KIAA1217: variants seen among roughly 807,000 people sequenced by gnomAD.
The protein encoded by KIAA1217 is KIAA1217.
Under a neutral mutation model 163.9 loss-of-function variants are expected in KIAA1217, and 88 were observed. The ratio of observed to expected loss-of-function variants is 0.54; its 90% CI spans 0.45 to 0.64. The LOEUF (loss-of-function observed/expected upper bound fraction) is 0.64. KIAA1217 is among the 30% of genes least tolerant of loss of function. KIAA1217 has a pLI of 0.00. For missense variants in KIAA1217, 2,372 were observed against 2,475.0 expected, an observed-to-expected ratio of 0.96 and a Z score of 0.88; for synonymous variants, 903 against 923.1, an observed-to-expected ratio of 0.98 and a Z score of 0.39.
chr10:24,280,538 G>A (rs533543488), intron 2 of KIAA1217, among the ~76,000 whole-genome samples: 1 of 152,282 alleles, frequency 6.6e-6, no homozygotes, highest in Non-Finnish European at 1.5e-5. Context: ...CTGGCCGGGC[G>A]TGGTGACTCA....
At chr10:24,178,398 A>C (rs1464966527) in intron 2 of KIAA1217, among the ~76,000 whole-genome samples, 1 of 152,228 alleles carries the variant, frequency 6.6e-6, no homozygotes, top group African/African-American at 2.4e-5. Context: ...GTTGGGATAC[A>C]TCCATCTGGC....
chr10:23,910,063 A>G (rs566258405), intron 1 of KIAA1217, among the ~76,000 whole-genome samples: 6 of 152,066 alleles, frequency 3.9e-5, no homozygotes, highest in African/African-American at 1.4e-4. Flanking sequence ...AAAACCAAAC[A>G]CCGCGTGTTC....
At chr10:24,258,994 CA>C (rs1170613616) in intron 2 of KIAA1217, among the ~76,000 whole-genome samples, 1 of 152,080 alleles carries the variant, frequency 6.6e-6, no homozygotes, top group Admixed American at 6.6e-5. Flanking sequence ...GCCCAGGGAT[CA>C]GGGGCAGCCC....
chr10:24,158,519 T>C (rs1345042225), intron 2 of KIAA1217: 2 of 517,722 alleles, frequency 3.9e-6, no homozygotes, highest in Non-Finnish European at 7.9e-6. Context: ...GATGGGAGGA[T>C]TTTTAGAGAA....
chr10:24,189,536 C>T (rs2066613075), intron 2 of KIAA1217, among the ~76,000 whole-genome samples: 1 of 152,166 alleles, frequency 6.6e-6, no homozygotes. Flanking sequence ...ACCTTTTTCT[C>T]ACCCATCACA....
intron 1 of KIAA1217, among the ~76,000 whole-genome samples, chr10:23,870,869 A>G (rs1840426094): frequency 6.6e-6 from 1 of 152,110 alleles, no homozygotes; most frequent in Non-Finnish European, 1.5e-5. Context: ...TGTCCTCTGA[A>G]GTTGTTCCTA....
intron 1 of KIAA1217, among the ~76,000 whole-genome samples, chr10:23,926,824 G>C (rs1014246655): frequency 6.6e-6 from 1 of 151,538 alleles, no homozygotes; most frequent in Non-Finnish European, 1.5e-5. Context: ...CCCTCTTTTC[G>C]ATCCTTCAAT....
At chr10:24,099,446 G>C (rs2062307777) in intron 2 of KIAA1217, among the ~76,000 whole-genome samples, 1 of 146,284 alleles carries the variant, frequency 6.8e-6, no homozygotes, top group Non-Finnish European at 1.5e-5. Flanking sequence ...TTGGTTTTCT[G>C]TCCTTGTGAT....
At chr10:23,787,222 T>C (rs992467691) in intron 1 of KIAA1217, among the ~76,000 whole-genome samples, 1 of 152,288 alleles carries the variant, frequency 6.6e-6, no homozygotes, top group Admixed American at 6.5e-5. Context: ...GATTTAAATA[T>C]GGAGTGTGAT....
At chr10:23,735,260 G>A (rs1838731209) in intron 1 of KIAA1217, among the ~76,000 whole-genome samples, 1 of 152,008 alleles carries the variant, frequency 6.6e-6, no homozygotes, top group Admixed American at 6.6e-5. Flanking sequence ...TTGAGATGGA[G>A]TCTAGCTCTC....
At chr10:23,888,327 A>T (rs573132086) in intron 1 of KIAA1217, among the ~76,000 whole-genome samples, 150 of 152,058 alleles carry the variant, frequency 9.9e-4, no homozygotes, top group African/African-American at 3.5e-3. Flanking sequence ...CAGGATAGAC[A>T]TTGGTTCAAA....
chr10:24,008,973 A>G (rs1175564520), intron 2 of KIAA1217, among the ~76,000 whole-genome samples: 1 of 152,176 alleles, frequency 6.6e-6, no homozygotes, highest in African/African-American at 2.4e-5. Flanking sequence ...GCGTTGTACA[A>G]GCAGCAAGAG....
At chr10:24,501,248 A>G (rs1743442745) in intron 8 of KIAA1217, 131 bp from the exon 9 acceptor site, 3 of 713,768 alleles carry the variant, frequency 4.2e-6, no homozygotes, top group South Asian at 1.9e-5. Flanking sequence ...TGTGATTCAT[A>G]TATATGCATA....
chr10:24,147,318 A>G (rs16924333), intron 2 of KIAA1217, among the ~76,000 whole-genome samples: 3,185 of 152,288 alleles, frequency 0.021, 38 homozygotes, highest in Middle Eastern at 0.058. Flanking sequence ...TTCCCTAAAC[A>G]CATTTTGTTT....
chr10:24,228,570 A>G (rs745521375), intron 2 of KIAA1217, among the ~76,000 whole-genome samples: 3 of 152,140 alleles, frequency 2.0e-5, no homozygotes, highest in African/African-American at 4.8e-5. Context: ...TGCCATCTCA[A>G]CACATGGATT....
rs180699888 is a variant in KIAA1217, at chr10:24,294,924, T to G, written c.354+75015T>G. On this transcript the variant is annotated intron_variant, in intron 2 of 20. Coordinates refer to ENST00000376454, the MANE Select transcript of KIAA1217 (RefSeq NM_019590.5). ...AATTTAAAATGACAATATTTTCTAC[T>G]GTGGAATACCTTGCATTCTCCCACT... Among the ~76,000 whole-genome samples, 650 of 152,324 alleles carry G rather than the reference T, an allele frequency of 4.3e-3. 3 individuals carry two copies. Among genetic ancestry groups the G allele is most frequent in the African/African-American group, 0.015 (619 of 41,574 alleles).
At chr10:24,345,132 C>A (rs2047564495) in intron 2 of KIAA1217, among the ~76,000 whole-genome samples, 1 of 152,148 alleles carries the variant, frequency 6.6e-6, no homozygotes, top group African/African-American at 2.4e-5. Flanking sequence ...CCAACTAATT[C>A]AAGACACCAA....
intron 2 of KIAA1217, among the ~76,000 whole-genome samples, chr10:24,147,832 CAAAAAAAAAAAA>C (rs1176106711): frequency 1.1e-3 from 22 of 20,774 alleles, no homozygotes; most frequent in Non-Finnish European, 1.4e-3. Context: ...TACTCTGTCT[CAAAAAAAAAAAA>C]AAAAAAAAAA....
At position 24,055,062 on chromosome 10, in the gene KIAA1217, T is replaced by C. The variant is rs1189444654; in HGVS notation, c.-171+47688T>C. 3.3e-5 allele frequency among the ~76,000 whole-genome samples: 5 copies of C among 151,942 alleles called. No individual in the cohort carries two copies. In the East Asian group the frequency reaches 5.8e-4, roughly 18 times the overall value. Reference sequence around the variant, plus strand: ...CAAGCAGATTGCTTAAGCTCAGGAGTTGGAGACCATCCCACAGAACATGGC... The same window carrying C: ...CAAGCAGATTGCTTAAGCTCAGGAGCTGGAGACCATCCCACAGAACATGGC... On this transcript the variant is annotated intron_variant, in intron 2 of 18. Transcript: ENST00000376462.
Sources: allele counts gnomAD v4.1 joint callset (sites outside exome capture counted in the v4.1 genomes callset), GRCh38; gene constraint gnomAD v4.1.1; transcripts MANE v1.5; gene names NCBI Gene and HGNC (gene_info 2026-07-23, HGNC 2026-07-21).